Variants in LRRC4C observed in about 807,000 individuals in gnomAD.
The protein encoded by LRRC4C is leucine rich repeat containing 4C.
In LRRC4C, 5 loss-of-function variants were observed where a neutral mutation model predicts 33.6. The ratio of observed to expected loss-of-function variants is 0.15; its 90% CI spans 0.08 to 0.31. The LOEUF (loss-of-function observed/expected upper bound fraction) is 0.31, where lower values mean the gene tolerates loss of function less well. Ranked by LOEUF, LRRC4C falls within the 10% of genes least tolerant of loss-of-function variation. LRRC4C has a pLI of 1.00. For missense variants in LRRC4C, 560 were observed against 796.7 expected (o/e 0.70, Z 3.58); for synonymous variants, 329 against 302.0 (o/e 1.09, Z -0.93).
chr11:40,968,601 C>T (rs772013652), intron 1 of LRRC4C, among the ~76,000 whole-genome samples: 2 of 152,058 alleles, frequency 1.3e-5, no homozygotes, highest in Non-Finnish European at 2.9e-5. Context: ...GAAGCTAATG[C>T]TCATTTACAA....
At chr11:40,751,037 T>C (rs993251145) in intron 2 of LRRC4C, among the ~76,000 whole-genome samples, 14 of 151,818 alleles carry the variant, frequency 9.2e-5, no homozygotes, top group African/African-American at 3.4e-4. Context: ...TATCAGTAGA[T>C]GCCGAAAAAC....
intron 1 of LRRC4C, among the ~76,000 whole-genome samples, chr11:40,937,767 C>T (rs532603897): frequency 2.6e-5 from 4 of 151,900 alleles, no homozygotes; most frequent in African/African-American, 4.8e-5. Context: ...CTCAGCCTGC[C>T]GAGTAGCTGG....
chr11:40,814,527 C>T (rs953739023), intron 2 of LRRC4C, among the ~76,000 whole-genome samples: 4 of 152,112 alleles, frequency 2.6e-5, no homozygotes, highest in Non-Finnish European at 4.4e-5. Context: ...ACATTTTCTC[C>T]ATTGTCTTGG....
At chr11:41,137,754 T>C (rs1943329035) in intron 1 of LRRC4C, among the ~76,000 whole-genome samples, 1 of 152,250 alleles carries the variant, frequency 6.6e-6, no homozygotes, top group Non-Finnish European at 1.5e-5. Flanking sequence ...TTGTTAGCTT[T>C]CAAACATTTC....
chr11:40,491,850 A>G (rs887476913), intron 3 of LRRC4C, among the ~76,000 whole-genome samples: 1 of 152,162 alleles, frequency 6.6e-6, no homozygotes, highest in Middle Eastern at 3.2e-3. Context: ...CTATTTTCAC[A>G]GAGGGGAATT....
At chr11:40,707,475 T>G (rs1478289189) in intron 2 of LRRC4C, among the ~76,000 whole-genome samples, 1 of 152,140 alleles carries the variant, frequency 6.6e-6, no homozygotes, top group Admixed American at 6.5e-5. Context: ...AATCATGTGG[T>G]TTTTGTCTTT....
intron 3 of LRRC4C, among the ~76,000 whole-genome samples, chr11:40,518,712 A>T (rs530576845): frequency 6.6e-6 from 1 of 152,212 alleles, no homozygotes; most frequent in Non-Finnish European, 1.5e-5. Context: ...AGGATCTAGA[A>T]CTAGAAATAT....
intron 2 of LRRC4C, among the ~76,000 whole-genome samples, chr11:40,839,056 T>A (rs923032463): frequency 6.6e-6 from 1 of 152,160 alleles, no homozygotes; most frequent in African/African-American, 2.4e-5. Context: ...TTTGCTATAT[T>A]TTCATGTAAT....
At chr11:40,661,539 G>C (rs1392964105) in intron 2 of LRRC4C, among the ~76,000 whole-genome samples, 3 of 152,152 alleles carry the variant, frequency 2.0e-5, no homozygotes, top group South Asian at 2.1e-4. Flanking sequence ...ACTCCAAACT[G>C]TCAATCACTG....
chr11:41,072,859 C>T (rs933392560), intron 1 of LRRC4C, among the ~76,000 whole-genome samples: 2 of 152,088 alleles, frequency 1.3e-5, no homozygotes, highest in South Asian at 2.1e-4. Context: ...AACATAAAGT[C>T]CTACATTTTC....
chr11:40,549,413 G>A (rs16934933), intron 3 of LRRC4C, among the ~76,000 whole-genome samples: 27,765 of 152,020 alleles, frequency 0.18, 3,178 homozygotes, highest in African/African-American at 0.32. Flanking sequence ...AGGTCCTATA[G>A]TAAATTTGTT....
At chr11:41,012,401 A>C (rs1855267478) in intron 1 of LRRC4C, among the ~76,000 whole-genome samples, 2 of 152,300 alleles carry the variant, frequency 1.3e-5, no homozygotes, top group South Asian at 4.1e-4. Context: ...TGTTGCAGAA[A>C]ATGAAAATAT....
chr11:41,306,985 C>G (rs562328596), intron 1 of LRRC4C, among the ~76,000 whole-genome samples: 4 of 152,158 alleles, frequency 2.6e-5, no homozygotes, highest in Non-Finnish European at 5.9e-5. Context: ...ACCATCAAAT[C>G]TAGATAGTTG....
intron 1 of LRRC4C, among the ~76,000 whole-genome samples, chr11:40,955,153 A>AT (rs979216608): frequency 2.2e-4 from 34 of 151,988 alleles, no homozygotes; most frequent in African/African-American, 8.2e-4. Flanking sequence ...CTACGTCTAT[A>AT]TTAAACACTA....
chr11:41,339,554 G>T (rs1951563773), intron 1 of LRRC4C, among the ~76,000 whole-genome samples: 1 of 152,132 alleles, frequency 6.6e-6, no homozygotes, highest in Non-Finnish European at 1.5e-5. Flanking sequence ...CTGTCTAATA[G>T]GAGTCATTTC....
intron 3 of LRRC4C, among the ~76,000 whole-genome samples, chr11:40,636,880 T>A (rs958815540): frequency 6.6e-6 from 1 of 152,154 alleles, no homozygotes; most frequent in African/African-American, 2.4e-5. Context: ...TGCTACCATC[T>A]CCCTTGGCAG....
In LRRC4C at chr11:41,117,105, C is replaced by T. The variant is rs115703861; in HGVS notation, c.-495-183382G>A. On this transcript the variant is annotated intron_variant, in intron 1 of 6. Coordinates refer to ENST00000528697, the MANE Select transcript of LRRC4C (RefSeq NM_001258419.2). ...AGCCTGCTGGAGAATGAAAAACTTG[C>T]GGCCCAGGGACTCCCGTTACTTTAG... Among the ~76,000 whole-genome samples, 1,390 of 152,210 alleles carry T rather than the reference C, an allele frequency of 9.1e-3. 21 individuals are homozygous for T. The highest frequency in any genetic ancestry group is 0.031 in the African/African-American group (1,271 of 41,526).
At chr11:40,886,958 G>T (rs1565170278) in intron 2 of LRRC4C, among the ~76,000 whole-genome samples, 1 of 106,212 alleles carries the variant, frequency 9.4e-6, no homozygotes, top group Admixed American at 9.2e-5. Flanking sequence ...ACACGTGTGT[G>T]TATATATATA....
intron 3 of LRRC4C, among the ~76,000 whole-genome samples, chr11:40,399,254 T>C (rs1949665031): frequency 6.6e-6 from 1 of 152,230 alleles, no homozygotes; most frequent in Non-Finnish European, 1.5e-5. Context: ...TGTGGCACTA[T>C]TCACAATAGC....
Sources: allele counts gnomAD v4.1 joint callset (sites outside exome capture counted in the v4.1 genomes callset), GRCh38; gene constraint gnomAD v4.1.1; transcripts MANE v1.5; gene names NCBI Gene and HGNC (gene_info 2026-07-23, HGNC 2026-07-21).